The following DTX2 variants were observed in gnomAD, a reference collection of about 807,000 sequenced individuals.
The protein encoded by DTX2 is deltex E3 ubiquitin ligase 2, also known as probable E3 ubiquitin-protein ligase DTX2.
A neutral mutation model predicts 55.3 loss-of-function variants in DTX2; 29 were observed. That is an observed-to-expected ratio of 0.52 (90% CI 0.39 to 0.71). The LOEUF is 0.71. Among genes scored for constraint, DTX2 ranks in the 30% least tolerant of loss-of-function variants. DTX2 has a pLI of 0.00. For missense variants in DTX2, 537 were observed against 822.5 expected, an observed-to-expected ratio of 0.65 and a Z score of 4.25; for synonymous variants, 276 against 340.4, an observed-to-expected ratio of 0.81 and a Z score of 2.08.
intron 8 of DTX2, chr7:76,503,056 G>C: frequency 3.4e-6 from 1 of 290,002 alleles, no homozygotes; most frequent in East Asian, 6.7e-5. Context: ...TCGGAGCCTG[G>C]CTCGGCCTTC....
rs1222044836 is a variant in DTX2, at chr7:76,505,728, C to T, written c.*127C>T. ...GTTGAGGGTGTGGGGTGTGCCCCAC[C>T]TGAAGCCGGGGCTCCCCCTGCCTGC... On this transcript the variant is annotated 3_prime_UTR_variant, in exon 11 of 11. Coordinates refer to ENST00000430490, the MANE Select transcript of DTX2 (RefSeq NM_001102594.3). This position sits in a 1 kb window ranked among gnomAD's most constrained non-coding sequence, Gnocchi z 4.4. 2 of 1,010,342 alleles carry T rather than the reference C, an allele frequency of 2.0e-6. No individual in the cohort carries two copies. Among genetic ancestry groups the T allele is most frequent in the Admixed American group, 2.5e-5 (1 of 40,102 alleles). 62.6% of individuals were successfully genotyped at this position (1,010,342 alleles called of 1,614,324 possible). A position where few individuals can be genotyped will look rare whatever the true frequency, so the allele number is the denominator to read the frequency against.
At chr7:76,501,571 C>T (rs1811688545) in intron 7 of DTX2, among the ~76,000 whole-genome samples, 1 of 151,470 alleles carries the variant, frequency 6.6e-6, no homozygotes, top group Non-Finnish European at 1.5e-5. Context: ...GGCAGCCAGA[C>T]CCCCGAGGGC....
In DTX2 at chr7:76,505,751, T is replaced by C. The variant is rs1184577341; in HGVS notation, c.*150T>C. 4 of 790,492 alleles carry C rather than the reference T, an allele frequency of 5.1e-6. No individual in the cohort carries two copies. The highest frequency in any genetic ancestry group is 2.0e-6 in the Non-Finnish European group (1 of 496,878). 49.0% of individuals were successfully genotyped at this position (790,492 alleles called of 1,614,324 possible). On this transcript the variant is annotated 3_prime_UTR_variant, in exon 11 of 11. Coordinates refer to ENST00000430490, the MANE Select transcript of DTX2 (RefSeq NM_001102594.3). This position sits in a 1 kb window ranked among gnomAD's most constrained non-coding sequence, Gnocchi z 4.4. ...ACCTGAAGCCGGGGCTCCCCCTGCC[T>C]GCCTCTCTCTCCTCCTCCCCTCTGG... is the stretch of plus-strand genomic sequence containing the variant.
chr7:76,469,483 C>T (rs1807637078), intron 2 of DTX2, among the ~76,000 whole-genome samples: 2 of 138,074 alleles, frequency 1.4e-5, no homozygotes, highest in Admixed American at 1.6e-4. Context: ...ACCTCCACTT[C>T]TTAGGTTCAA....
intron 2 of DTX2, among the ~76,000 whole-genome samples, chr7:76,476,031 A>G (rs1255495179): frequency 3.8e-5 from 1 of 26,234 alleles, no homozygotes; most frequent in African/African-American, 1.7e-4. Context: ...CGGCCTCCCA[A>G]AGTGCTGGGA....
rs561490883 is a variant in DTX2, at chr7:76,482,489, T to C, written c.269-19T>C. 6.4e-7 allele frequency: 1 copy of C among 1,560,674 alleles called. No homozygotes were observed. Among genetic ancestry groups the C allele is most frequent in the Non-Finnish European group, 8.7e-7 (1 of 1,151,980 alleles). On this transcript the variant is annotated intron_variant, in intron 3 of 10. Coordinates refer to ENST00000430490, the MANE Select transcript of DTX2 (RefSeq NM_001102594.3). ...TGGGGATGCTAGCAGACTAACCTTT[T>C]GTTTTCCTTTGAAAATAGGCACCAT...
At position 76,482,958 on chromosome 7, in the gene DTX2, C is replaced by A; in HGVS notation, c.719C>A (p.Thr240Asn). Residue 240 changes from threonine to asparagine, a missense_variant, in exon 4 of 11, where the codon ACC becomes AAC. Physicochemically the swap from Thr to Asn is moderately conservative, Grantham distance 65. Around this residue, in one of 7 missense-constraint regions of DTX2, gnomAD observed 301 missense variants for 396.6 expected, o/e 0.76. Transcript: ENST00000430490. ...PPHRTASVFG[T>N]HQAFAPYNKP... ...CACAGGACCGCTTCTGTGTTTGGGACCCACCAGGCCTTTGCACCGTACAAC... is the reference window on the plus strand; with the variant it reads ...CACAGGACCGCTTCTGTGTTTGGGAACCACCAGGCCTTTGCACCGTACAAC... 1 of 1,613,770 alleles carries A rather than the reference C, an allele frequency of 6.2e-7. No individual in the cohort carries two copies. The highest frequency in any genetic ancestry group is 8.5e-7 in the Non-Finnish European group (1 of 1,179,772).
At chr7:76,498,882 G>A in intron 6 of DTX2, among the ~76,000 whole-genome samples, 1 of 93,880 alleles carries the variant, frequency 1.1e-5, no homozygotes, top group African/African-American at 6.1e-5. Flanking sequence ...GTGTGTGGAG[G>A]TGTGGGGTGT....
intron 5 of DTX2, among the ~76,000 whole-genome samples, chr7:76,494,193 G>A (rs1318434488): frequency 1.2e-5 from 1 of 83,690 alleles, no homozygotes; most frequent in Non-Finnish European, 2.4e-5. Flanking sequence ...GGGAGCGTGT[G>A]TGCCACAGAG....
chr7:76,494,532 G>C lies in DTX2; in HGVS notation c.1009+2279G>C, dbSNP rs1282907878. On this transcript the variant is annotated intron_variant, in intron 5 of 10. Coordinates refer to ENST00000430490, the MANE Select transcript of DTX2 (RefSeq NM_001102594.3). ...GAGCGACCTCTGAGGCCATGACACA[G>C]ATCTAAGTGCTCTGGGTGTGGAGTT... Among the ~76,000 whole-genome samples, 2 of 83,562 alleles carry C rather than the reference G, an allele frequency of 2.4e-5. 1 individual carries two copies. The highest frequency in any genetic ancestry group is 1.2e-4 in the African/African-American group (2 of 16,004). The allele number at this position is 83,562 out of a possible 152,430, so 54.8% of individuals were successfully genotyped here.
intron 5 of DTX2, among the ~76,000 whole-genome samples, chr7:76,495,408 G>C (rs919041197): frequency 6.6e-6 from 1 of 151,956 alleles, no homozygotes; most frequent in Admixed American, 6.6e-5. Context: ...CAGATGGGTG[G>C]AGAAAAAGGC....
intron 2 of DTX2, among the ~76,000 whole-genome samples, 155 bp downstream of exon 2, chr7:76,463,864 C>CTT (rs1806869027): frequency 6.8e-6 from 1 of 146,262 alleles, no homozygotes; most frequent in Admixed American, 7.0e-5. Context: ...GCAGTGGCGT[C>CTT]TTGCCACTGC....
At chr7:76,469,289 G>A (rs1036194964) in intron 2 of DTX2, among the ~76,000 whole-genome samples, 1 of 142,372 alleles carries the variant, frequency 7.0e-6, no homozygotes, top group African/African-American at 2.6e-5. Flanking sequence ...TTGCTAGGTA[G>A]ATCATGGATC....
intron 2 of DTX2, among the ~76,000 whole-genome samples, chr7:76,467,956 A>G (rs1198928057): frequency 3.3e-5 from 5 of 152,290 alleles, no homozygotes; most frequent in African/African-American, 1.2e-4. Context: ...AGATGGCAGG[A>G]GCTGACGGTT....
At chr7:76,478,434 G>A (rs1001812967) in intron 2 of DTX2, among the ~76,000 whole-genome samples, 1 of 74,412 alleles carries the variant, frequency 1.3e-5, no homozygotes, top group East Asian at 3.3e-4. Flanking sequence ...TTTTTTTTTT[G>A]TAGAGGTGGG....
Position 76,466,461 on chromosome 7 carries a change from G to A in DTX2, c.-90+2752G>A, listed in dbSNP as rs1337658653. Among the ~76,000 whole-genome samples the A allele has an allele frequency of 7.9e-5, 12 of 150,980 alleles. No homozygotes were observed. The East Asian group carries it at 1.6e-3, about 20-fold the overall frequency. On this transcript the variant is annotated intron_variant, in intron 2 of 10. Coordinates refer to ENST00000430490, the MANE Select transcript of DTX2 (RefSeq NM_001102594.3). ...CTTTAAAAAGTTTTCTACTTTATCA[G>A]GTCCCCTTAGAACATCTAATCATTT...
In DTX2 at chr7:76,480,901, G is replaced by A. The variant is rs1472612570; in HGVS notation, c.268+124G>A. ...CTTCTGCTCTCTCCCTGCAGCACAC[G>A]TGGTGGTGGGTGGGTGCAGTGAGTG... On this transcript the variant is annotated intron_variant, in intron 3 of 10. Transcript: ENST00000430490. The A allele has an allele frequency of 1.1e-5, 13 of 1,138,262 alleles. No individual in the cohort carries two copies. The Admixed American group carries it at 1.2e-4, about 10-fold the overall frequency. 70.5% of individuals were successfully genotyped at this position (1,138,262 alleles called of 1,614,324 possible). A position where few individuals can be genotyped will look rare whatever the true frequency, so the allele number is the denominator to read the frequency against.
At chr7:76,468,758 A>ATTTTTTTTTTTT (rs3972784) in intron 2 of DTX2, among the ~76,000 whole-genome samples, 4 of 27,030 alleles carry the variant, frequency 1.5e-4, no homozygotes, top group Admixed American at 1.1e-3. Context: ...CACGCCCAGC[A>ATTTTTTTTTTTT]TTTTTTTTTT....
Position 76,480,617 on chromosome 7 carries a change from C to T in DTX2, c.108C>T (p.Ala36=). Residue 36 remains alanine, a synonymous_variant, in exon 3 of 11, where the codon GCC becomes GCT. Transcript: ENST00000430490. ...DGLGTWHPYS[A]TVCSFIEQQF... is the part of the protein sequence containing the mutation. ...TGGGCACCTGGCACCCCTACAGTGC[C>T]ACCGTCTGCAGCTTCATCGAGCAGC... is the stretch of plus-strand genomic sequence containing the variant. The T allele has an allele frequency of 1.2e-6, 2 of 1,613,518 alleles. No homozygotes were observed. Among genetic ancestry groups the T allele is most frequent in the Non-Finnish European group, 1.7e-6 (2 of 1,179,948 alleles).
Sources: gnomAD v4.1 joint callset for allele counts (sites outside exome capture counted in the v4.1 genomes callset) on GRCh38, gnomAD v4.1.1 for gene constraint, gnomAD v4.1.1 regional missense constraint, Gnocchi (gnomAD v3.1) non-coding constraint, MANE v1.5 for transcripts, NCBI Gene and HGNC (gene_info 2026-07-23, HGNC 2026-07-21) for gene names.